The following PCCA variants were observed in gnomAD, a reference collection of about 807,000 sequenced individuals.
PCCA encodes propionyl-CoA carboxylase subunit alpha.
Under a neutral mutation model 101.3 loss-of-function variants are expected in PCCA, and 74 were observed. The observed-to-expected ratio is 0.73, with a 90% CI of 0.61 to 0.89. The LOEUF (loss-of-function observed/expected upper bound fraction) is 0.89, where lower values mean the gene tolerates loss of function less well. Among genes scored for constraint, PCCA ranks in the 40% least tolerant of loss-of-function variants. PCCA has a pLI of 0.00. For missense variants in PCCA, 891 were observed against 907.0 expected (o/e 0.98, Z 0.23); for synonymous variants, 294 against 313.6 (o/e 0.94, Z 0.66).
At chr13:100,389,868 G>C (rs1310280130) in intron 19 of PCCA, among the ~76,000 whole-genome samples, 1 of 152,212 alleles carries the variant, frequency 6.6e-6, no homozygotes, top group African/African-American at 2.4e-5. Flanking sequence ...CTGGATGTGT[G>C]TGGAGTGCAG....
intron 21 of PCCA, among the ~76,000 whole-genome samples, chr13:100,458,413 A>G (rs1304123205): frequency 1.1e-4 from 12 of 104,500 alleles, no homozygotes; most frequent in African/African-American, 4.7e-4. Context: ...GTGGGACCCC[A>G]TCTCTGCGCG....
At chr13:100,209,566 A>C in intron 7 of PCCA, 103 bp downstream of exon 7, 1 of 837,376 alleles carries the variant, frequency 1.2e-6, no homozygotes, top group East Asian at 2.5e-5. Context: ...ATATACACAC[A>C]CACACACACA....
intron 12 of PCCA, among the ~76,000 whole-genome samples, chr13:100,295,345 C>T (rs12867319): frequency 0.096 from 14,632 of 152,158 alleles, 877 homozygotes; most frequent in Middle Eastern, 0.21. Context: ...ACAGTTTCCT[C>T]ATATTTCAGT....
intron 2 of PCCA, among the ~76,000 whole-genome samples, chr13:100,104,951 C>T: frequency 6.6e-6 from 1 of 152,080 alleles, no homozygotes; most frequent in Admixed American, 6.6e-5. Flanking sequence ...TGTCTTCCTG[C>T]CTCAGCCTCC....
chr13:100,336,074 CTA>C (rs2070404587), intron 17 of PCCA, among the ~76,000 whole-genome samples: 2 of 152,072 alleles, frequency 1.3e-5, no homozygotes, highest in Admixed American at 6.6e-5. Context: ...ACCAGCCTGA[CTA>C]ATGTGGAGAA....
intron 4 of PCCA, among the ~76,000 whole-genome samples, chr13:100,125,225 T>C (rs1428077769): frequency 6.6e-6 from 1 of 152,130 alleles, no homozygotes; most frequent in East Asian, 1.9e-4. Flanking sequence ...AAAGGATATT[T>C]TAAGATGATG....
intron 19 of PCCA, among the ~76,000 whole-genome samples, chr13:100,413,355 C>G (rs1325100532): frequency 2.6e-5 from 4 of 152,052 alleles, no homozygotes; most frequent in Admixed American, 2.6e-4. Flanking sequence ...AAACCACCAG[C>G]TTAGGTAATG....
chr13:100,145,941 G>C (rs557472547), intron 4 of PCCA, among the ~76,000 whole-genome samples: 6 of 143,170 alleles, frequency 4.2e-5, no homozygotes, highest in Non-Finnish European at 7.7e-5. Flanking sequence ...AGATAGTTTT[G>C]CTTTTTTTTT....
intron 16 of PCCA, 115 bp from the exon 17 acceptor site, chr13:100,330,446 A>G: frequency 1.4e-6 from 1 of 693,226 alleles, no homozygotes; most frequent in Non-Finnish European, 2.6e-6. Flanking sequence ...GAAATAAGTA[A>G]TCTTGAATGG....
intron 16 of PCCA, among the ~76,000 whole-genome samples, chr13:100,310,291 T>C (rs972233762): frequency 2.6e-4 from 40 of 152,318 alleles, no homozygotes; most frequent in Admixed American, 6.5e-5. Flanking sequence ...CGAGTTTAGA[T>C]AGACATAAAT....
intron 21 of PCCA, among the ~76,000 whole-genome samples, chr13:100,485,604 A>G (rs1278548984): frequency 6.6e-6 from 1 of 152,210 alleles, no homozygotes; most frequent in Non-Finnish European, 1.5e-5. Flanking sequence ...CAAGAGATTC[A>G]TCCAAGTTTC....
Position 100,368,554 on chromosome 13 carries a change from A to G in PCCA, c.1726A>G (p.Asn576Asp), listed in dbSNP as rs771554208. The change falls in exon 19 of 24, where the codon AAC becomes GAC. Residue 576 changes from asparagine (N) to aspartate (D), a missense_variant. Coordinates refer to ENST00000376285, the MANE Select transcript of PCCA (RefSeq NM_000282.4). Reference protein sequence around the residue: ...HDKVHTVVASNNGSVFSVEVD... With the variant: ...HDKVHTVVASDNGSVFSVEVD... The stretch of plus-strand genomic sequence containing the variant: ...TAAAGTTCATACCGTAGTAGCATCA[A>G]ACAATGGGTCAGTGTTCTCGGTGAG... 6.2e-7 allele frequency: 1 copy of G among 1,602,642 alleles called. No individual in the cohort carries two copies. The highest frequency in any genetic ancestry group is 1.1e-5 in the South Asian group (1 of 90,822).
In PCCA at chr13:100,245,641, A is replaced by G. The variant is rs1397360063; in HGVS notation, c.637+9763A>G. On this transcript the variant is annotated intron_variant, in intron 8 of 23. Transcript: ENST00000376285. ...CAGAAAAGCCTCAGTTTTGGTAATC[A>G]TCAATAAGACATTCTTCATGACAAG... Among the ~76,000 whole-genome samples, 14 of 152,234 alleles carry G rather than the reference A, an allele frequency of 9.2e-5. 1 individual carries two copies. Among genetic ancestry groups the G allele is most frequent in the Admixed American group, 9.2e-4 (14 of 15,286 alleles).
chr13:100,285,006 T>A (rs531733367), intron 12 of PCCA, among the ~76,000 whole-genome samples: 2 of 152,318 alleles, frequency 1.3e-5, no homozygotes, highest in South Asian at 4.1e-4. Context: ...TGATCAAGGG[T>A]ACAAGGTGTC....
At chr13:100,242,425 C>T (rs536632306) in intron 8 of PCCA, among the ~76,000 whole-genome samples, 12 of 152,112 alleles carry the variant, frequency 7.9e-5, no homozygotes, top group African/African-American at 2.4e-4. Flanking sequence ...GAGAAACAGA[C>T]TAATTCTACA....
chr13:100,208,724 T>C (rs2059024554), intron 6 of PCCA, among the ~76,000 whole-genome samples: 1 of 152,178 alleles, frequency 6.6e-6, no homozygotes, highest in Non-Finnish European at 1.5e-5. Context: ...GTGGTTTTGA[T>C]TGAAACTGAA....
chr13:100,262,250 G>T (rs1012095756), intron 9 of PCCA, among the ~76,000 whole-genome samples: 1 of 151,992 alleles, frequency 6.6e-6, no homozygotes, highest in Non-Finnish European at 1.5e-5. Context: ...AAAATTAGCC[G>T]GGCGTGGTGG....
At position 100,493,807 on chromosome 13, in the gene PCCA, C is replaced by G. The variant is rs553624825; in HGVS notation, c.1900-21620C>G. On this transcript the variant is annotated intron_variant, in intron 21 of 23. Transcript: ENST00000376285. ...GGTGAACACTATTCTCCACCTCCCTCCCTCCCAACTTGCTTGCTTTCAGCT... is the reference window on the plus strand; with the variant it reads ...GGTGAACACTATTCTCCACCTCCCTGCCTCCCAACTTGCTTGCTTTCAGCT... 6.6e-5 allele frequency among the ~76,000 whole-genome samples: 10 copies of G among 152,346 alleles called. No individual in the cohort carries two copies. The East Asian group carries it at 1.5e-3, about 23-fold the overall frequency.
chr13:100,320,757 G>A (rs1473869498), intron 16 of PCCA, among the ~76,000 whole-genome samples: 1 of 152,118 alleles, frequency 6.6e-6, no homozygotes, highest in African/African-American at 2.4e-5. Context: ...TTGCATCGAT[G>A]TTCATGAGGA....
Sources: gnomAD v4.1 joint callset for allele counts (sites outside exome capture counted in the v4.1 genomes callset) on GRCh38, gnomAD v4.1.1 for gene constraint, MANE v1.5 for transcripts, NCBI Gene and HGNC (gene_info 2026-07-23, HGNC 2026-07-21) for gene names.